Variants in REPS2 observed in about 807,000 individuals in gnomAD.
REPS2 encodes ralBP1-associated Eps domain-containing protein 2.
In REPS2, 23 loss-of-function variants were observed where a neutral mutation model predicts 53.6. That is an observed-to-expected ratio of 0.43 (90% CI 0.31 to 0.61). The LOEUF is 0.61. Among genes scored for constraint, REPS2 ranks in the 20% least tolerant of loss-of-function variants. The probability of loss-of-function intolerance (pLI) is 0.11; values close to 1 mark genes in which losing one functional copy is unlikely to be tolerated. For missense variants in REPS2, 446 were observed against 534.9 expected (o/e 0.83, Z 1.64); for synonymous variants, 238 against 218.6 (o/e 1.09, Z -0.78).
chrX:16,979,207 A>G (rs768291735), intron 1 of REPS2, among the ~76,000 whole-genome samples: 1 of 111,736 alleles, frequency 8.9e-6, no homozygotes, highest in South Asian at 3.7e-4. Flanking sequence ...ATACTGTATT[A>G]CCTATCACTG....
chrX:16,988,222 C>A (rs1569109429), intron 1 of REPS2, among the ~76,000 whole-genome samples: 1 of 111,371 alleles, frequency 9.0e-6, no homozygotes, highest in Admixed American at 9.6e-5. Flanking sequence ...GTGAAGTGAG[C>A]CATGGTGACT....
intron 14 of REPS2, among the ~76,000 whole-genome samples, chrX:17,110,743 G>A (rs905964119): frequency 9.0e-6 from 1 of 110,659 alleles, no homozygotes; most frequent in Non-Finnish European, 1.9e-5. Flanking sequence ...GCCAGGCTTA[G>A]TGGCTCACGC....
chrX:16,960,795 A>G (rs1159693153), intron 1 of REPS2, among the ~76,000 whole-genome samples: 2 of 112,542 alleles, frequency 1.8e-5, no homozygotes, highest in Non-Finnish European at 3.7e-5. Context: ...GTAAAGTTGC[A>G]TGATACAAAA....
intron 13 of REPS2, among the ~76,000 whole-genome samples, chrX:17,098,167 T>C (rs1482145495): frequency 9.0e-6 from 1 of 111,497 alleles, no homozygotes; most frequent in African/African-American, 3.3e-5. Context: ...ATCTAGCAGA[T>C]ATAAAAAACT....
rs1040891233 is a variant in REPS2 at position 17,152,743 on chromosome X, C to A, written c.*5262C>A. On this transcript the variant is annotated 3_prime_UTR_variant, in exon 18 of 18. Coordinates refer to ENST00000357277, the MANE Select transcript of REPS2 (RefSeq NM_004726.3). The stretch of plus-strand genomic sequence containing the variant: ...TGTTTTAAGTCACCTTGTGCGAGAA[C>A]CTCAACCGCACCTATCTTGGGAACC... The A allele has an allele frequency of 3.6e-5, 4 of 112,026 alleles. No individual in the cohort carries two copies. Among genetic ancestry groups the A allele is most frequent in the Non-Finnish European group, 7.5e-5 (4 of 53,177 alleles). 9.2% of individuals were successfully genotyped at this position (112,026 alleles called of 1,213,427 possible). A position where few individuals can be genotyped will look rare whatever the true frequency, so the allele number is the denominator to read the frequency against.
intron 5 of REPS2, among the ~76,000 whole-genome samples, chrX:17,041,615 C>G (rs188236493): frequency 5.1e-4 from 57 of 111,920 alleles, no homozygotes; most frequent in African/African-American, 1.6e-3. Context: ...AGGAGGCATC[C>G]TCAGATATTC....
intron 9 of REPS2, among the ~76,000 whole-genome samples, chrX:17,066,189 T>C (rs2147964948): frequency 8.9e-6 from 1 of 112,204 alleles, no homozygotes; most frequent in South Asian, 3.7e-4. Flanking sequence ...TGTAGTAAGT[T>C]TTGAAATCAA....
intron 14 of REPS2, among the ~76,000 whole-genome samples, chrX:17,127,670 C>T (rs2063233619): frequency 9.0e-6 from 1 of 111,397 alleles, no homozygotes; most frequent in Admixed American, 9.6e-5. Flanking sequence ...CTCCTGACTC[C>T]TCACCCTTCC....
Position 17,138,971 on chromosome X carries a change from G to C in REPS2, c.1914+10G>C. ...CCAGCAGCAGCTCAAGGTAAGGAAT[G>C]AGTCCCAGATTTGGATGACCAGGCT... On this transcript the variant is annotated intron_variant, in intron 17 of 17. Transcript: ENST00000357277. The C allele has an allele frequency of 8.9e-7, 1 of 1,119,324 alleles. No homozygotes were observed. The highest frequency in any genetic ancestry group is 1.2e-6 in the Non-Finnish European group (1 of 830,419). 92.2% of individuals were successfully genotyped at this position (1,119,324 alleles called of 1,213,427 possible). A position where few individuals can be genotyped will look rare whatever the true frequency, so the allele number is the denominator to read the frequency against.
intron 1 of REPS2, among the ~76,000 whole-genome samples, chrX:16,984,806 C>CT (rs1209360223): frequency 5.1e-4 from 53 of 103,176 alleles, no homozygotes; most frequent in African/African-American, 1.0e-3. Context: ...GTCTGATGTA[C>CT]TTTTTTTTTT....
At chrX:16,956,740 C>T (rs1316376612) in intron 1 of REPS2, among the ~76,000 whole-genome samples, 2 of 112,505 alleles carry the variant, frequency 1.8e-5, no homozygotes, top group Non-Finnish European at 3.8e-5. Context: ...GCCCTCTCAG[C>T]TGTGCTTCAC....
rs879259718 is a variant in REPS2, at chrX:16,951,559, A to ACACACCCC, written c.273+4426_273+4427insACACCCCC. On this transcript the variant is annotated intron_variant, in intron 1 of 17. Coordinates refer to ENST00000357277, the MANE Select transcript of REPS2 (RefSeq NM_004726.3). ...CACACACACACACACACACACACAC[A>ACACACCCC]CCCCCGCTACCTACCTCTCTCTGGG... is the stretch of plus-strand genomic sequence containing the variant. Among the ~76,000 whole-genome samples the ACACACCCC allele has an allele frequency of 3.0e-3, 113 of 37,488 alleles. 2 individuals are homozygous for ACACACCCC. Among genetic ancestry groups the ACACACCCC allele is most frequent in the East Asian group, 4.5e-3 (5 of 1,104 alleles). 32.6% of individuals were successfully genotyped at this position (37,488 alleles called of 115,157 possible). A position where few individuals can be genotyped will look rare whatever the true frequency, so the allele number is the denominator to read the frequency against.
intron 1 of REPS2, among the ~76,000 whole-genome samples, chrX:16,965,532 T>G (rs1371700333): frequency 9.9e-6 from 1 of 101,253 alleles, no homozygotes; most frequent in Non-Finnish European, 2.0e-5. Flanking sequence ...AGGCAGAGGG[T>G]CTCCTCACTT....
intron 1 of REPS2, among the ~76,000 whole-genome samples, chrX:16,955,144 C>A (rs1282577894): frequency 9.0e-6 from 1 of 111,094 alleles, no homozygotes; most frequent in Non-Finnish European, 1.9e-5. Flanking sequence ...GGTTTGGTTC[C>A]TTTCCAGGGT....
chrX:17,077,453 C>T, intron 13 of REPS2, 46 bp downstream of exon 13: 1 of 1,129,219 alleles, frequency 8.9e-7, no homozygotes, highest in Non-Finnish European at 1.2e-6. Context: ...CCTGTTGGAG[C>T]CAGCGGATGT....
At chrX:16,991,664 TATG>T (rs759627673) in intron 1 of REPS2, among the ~76,000 whole-genome samples, 30 of 110,365 alleles carry the variant, frequency 2.7e-4, no homozygotes, top group Middle Eastern at 4.7e-3. Context: ...CCTAATCCAA[TATG>T]ATGAGTGTCC....
chrX:16,979,999 C>G (rs566032264), intron 1 of REPS2, among the ~76,000 whole-genome samples: 1 of 111,423 alleles, frequency 9.0e-6, no homozygotes, highest in Non-Finnish European at 1.9e-5. Context: ...AGTTTGTCCT[C>G]AATAGCTCAC....
chrX:17,024,363 G>GTTTTTTTTT (rs900082438), intron 3 of REPS2, among the ~76,000 whole-genome samples: 1 of 71,691 alleles, frequency 1.4e-5, no homozygotes, highest in African/African-American at 5.4e-5. Context: ...TACTAGTAAA[G>GTTTTTTTTT]TTTTTTTTTT....
At chrX:17,192,747 G>A in the REPS2 span, among the ~76,000 whole-genome samples, 3 of 111,364 alleles carry the variant, frequency 2.7e-5, no homozygotes, top group African/African-American at 9.8e-5. Context: ...AACCACTTTC[G>A]GCACCCCAGA....
Sources: allele counts gnomAD v4.1 joint callset (sites outside exome capture counted in the v4.1 genomes callset), GRCh38; gene constraint gnomAD v4.1.1; transcripts MANE v1.5; gene names NCBI Gene and HGNC (gene_info 2026-07-23, HGNC 2026-07-21).